The following NRG3 variants were observed in gnomAD, a reference collection of about 807,000 sequenced individuals.
NRG3 encodes the protein pro-neuregulin-3, membrane-bound isoform.
Under a neutral mutation model 66.9 loss-of-function variants are expected in NRG3, and 31 were observed. That is an observed-to-expected ratio of 0.46 (90% CI 0.35 to 0.63). The LOEUF (loss-of-function observed/expected upper bound fraction) is 0.63. NRG3 is among the 20% of genes least tolerant of loss of function. NRG3 has a pLI of 0.00. For missense variants in NRG3, 910 were observed against 878.9 expected, an observed-to-expected ratio of 1.04 and a Z score of -0.45; for synonymous variants, 393 against 359.4, an observed-to-expected ratio of 1.09 and a Z score of -1.06.
chr10:82,968,736 T>A (rs1299816281), intron 6 of NRG3, among the ~76,000 whole-genome samples: 1 of 152,168 alleles, frequency 6.6e-6, no homozygotes, highest in Admixed American at 6.5e-5. Context: ...CTAAAAGATC[T>A]GCATGCTCCA....
At chr10:82,025,620 TC>T (rs2062265299) in intron 1 of NRG3, among the ~76,000 whole-genome samples, 3 of 152,134 alleles carry the variant, frequency 2.0e-5, no homozygotes, top group Admixed American at 1.3e-4. Context: ...GACTGCCTGT[TC>T]CCTGCAACCT....
intron 3 of NRG3, among the ~76,000 whole-genome samples, chr10:82,809,547 T>C (rs894255016): frequency 6.6e-6 from 1 of 152,122 alleles, no homozygotes; most frequent in African/African-American, 2.4e-5. Context: ...ATATTATATC[T>C]TATCATACAG....
intron 2 of NRG3, among the ~76,000 whole-genome samples, chr10:82,549,343 G>C (rs572476218): frequency 1.3e-5 from 2 of 152,092 alleles, no homozygotes; most frequent in Admixed American, 6.5e-5. Context: ...TTAAATTCTT[G>C]TTGCCCATAC....
At chr10:82,802,007 G>A (rs10749121) in intron 3 of NRG3, among the ~76,000 whole-genome samples, 55,626 of 151,480 alleles carry the variant, frequency 0.37, 11,767 homozygotes, top group African/African-American at 0.6. Context: ...TACCAAAAAA[G>A]TAGGAAAATT....
At position 82,505,105 on chromosome 10, in the gene NRG3, C is replaced by T. The variant is rs916659124; in HGVS notation, c.953+146237C>T. ...AATATTGCACAGATAATTTTGGAATCGAAAGTGGAACCAATTATTTAAAGT... is the reference window on the plus strand; with the variant it reads ...AATATTGCACAGATAATTTTGGAATTGAAAGTGGAACCAATTATTTAAAGT... On this transcript the variant is annotated intron_variant, in intron 2 of 8. Transcript: ENST00000372141. Among the ~76,000 whole-genome samples, 24 of 152,206 alleles carry T rather than the reference C, an allele frequency of 1.6e-4. No individual in the cohort carries two copies. In the East Asian group the frequency reaches 4.3e-3, roughly 27 times the overall value.
At position 81,875,275 on chromosome 10, in the gene NRG3, G is replaced by T; in HGVS notation, c.-66G>T. 1.0e-6 allele frequency: 1 copy of T among 966,804 alleles called. No homozygotes were observed. The highest frequency in any genetic ancestry group is 1.2e-6 in the Non-Finnish European group (1 of 817,164). The allele number at this position is 966,804 out of a possible 1,614,324, so 59.9% of individuals were successfully genotyped here. A position where few individuals can be genotyped will look rare whatever the true frequency, so the allele number is the denominator to read the frequency against. ...GGAGCCCGCGCCCGCGCCCGCGCCCGGCCCGCGCGGCCCCATGCCTCTGCC... is the reference window on the plus strand; with the variant it reads ...GGAGCCCGCGCCCGCGCCCGCGCCCTGCCCGCGCGGCCCCATGCCTCTGCC... On this transcript the variant is annotated 5_prime_UTR_variant, in exon 1 of 9. Coordinates refer to ENST00000372141, the MANE Select transcript of NRG3 (RefSeq NM_001010848.4). This position sits in a 1 kb window ranked among gnomAD's most constrained non-coding sequence, Gnocchi z 5.3.
intron 2 of NRG3, among the ~76,000 whole-genome samples, chr10:82,434,555 C>T (rs1312275093): frequency 2.0e-5 from 3 of 152,128 alleles, no homozygotes; most frequent in African/African-American, 7.2e-5. Flanking sequence ...CCAGCTTTTG[C>T]TCATTCAATA....
intron 1 of NRG3, among the ~76,000 whole-genome samples, chr10:82,115,767 T>A (rs1477126932): frequency 6.6e-6 from 1 of 152,136 alleles, no homozygotes; most frequent in Non-Finnish European, 1.5e-5. Context: ...TTCTGACATT[T>A]CTTGATGTTC....
At chr10:82,578,764 G>GA (rs1472063536) in intron 2 of NRG3, among the ~76,000 whole-genome samples, 2 of 151,780 alleles carry the variant, frequency 1.3e-5, no homozygotes, top group Non-Finnish European at 2.9e-5. Context: ...GCTTAACTTA[G>GA]AAAATCCCTG....
At chr10:82,876,666 G>A (rs187555075) in intron 4 of NRG3, among the ~76,000 whole-genome samples, 1 of 152,196 alleles carries the variant, frequency 6.6e-6, no homozygotes, top group Admixed American at 6.5e-5. Context: ...CTGAAAATCT[G>A]GGATGTGCTA....
chr10:82,560,439 T>C (rs1383722898), intron 2 of NRG3, among the ~76,000 whole-genome samples: 3 of 151,138 alleles, frequency 2.0e-5, no homozygotes, highest in African/African-American at 7.2e-5. Flanking sequence ...TATGATAGTA[T>C]TATCACTTCT....
intron 1 of NRG3, among the ~76,000 whole-genome samples, chr10:82,327,596 A>G (rs1383694651): frequency 6.6e-6 from 1 of 152,184 alleles, no homozygotes; most frequent in African/African-American, 2.4e-5. Context: ...CCCCATCTCA[A>G]AAAAATGATA....
At chr10:82,283,091 C>T (rs2079214579) in intron 1 of NRG3, among the ~76,000 whole-genome samples, 1 of 151,982 alleles carries the variant, frequency 6.6e-6, no homozygotes, top group Non-Finnish European at 1.5e-5. Flanking sequence ...CTCCTGTCTT[C>T]TCGGTCTTAA....
chr10:82,447,416 C>T (rs2090788363), intron 2 of NRG3, among the ~76,000 whole-genome samples: 1 of 151,682 alleles, frequency 6.6e-6, no homozygotes, highest in South Asian at 2.1e-4. Flanking sequence ...AGGCCCCATC[C>T]CTAAAAAAAT....
intron 4 of NRG3, among the ~76,000 whole-genome samples, chr10:82,920,341 T>G (rs1376967709): frequency 2.0e-5 from 3 of 152,008 alleles, no homozygotes; most frequent in African/African-American, 7.2e-5. Flanking sequence ...AAGTGAGAGT[T>G]TAGAGATGAG....
chr10:82,950,607 A>G (rs894573729), intron 4 of NRG3, among the ~76,000 whole-genome samples: 5 of 152,230 alleles, frequency 3.3e-5, no homozygotes, highest in African/African-American at 1.2e-4. Context: ...AAAAGGGATA[A>G]AGTAAATAGA....
At chr10:81,936,477 A>G (rs776802460) in intron 1 of NRG3, among the ~76,000 whole-genome samples, 7 of 152,102 alleles carry the variant, frequency 4.6e-5, no homozygotes, top group Non-Finnish European at 1.0e-4. Context: ...TAACTGTGAA[A>G]GATGGATGGG....
At chr10:82,606,419 G>A (rs1362861736) in intron 2 of NRG3, among the ~76,000 whole-genome samples, 1 of 152,098 alleles carries the variant, frequency 6.6e-6, no homozygotes, top group Non-Finnish European at 1.5e-5. Context: ...GTGTTAAGGT[G>A]TGTTTTATGA....
intron 2 of NRG3, among the ~76,000 whole-genome samples, chr10:82,724,736 A>G (rs2057497987): frequency 6.6e-6 from 1 of 152,146 alleles, no homozygotes; most frequent in South Asian, 2.1e-4. Flanking sequence ...CCTTTTTTAG[A>G]GAGACAATAA....
Sources: gnomAD v4.1 joint callset for allele counts (sites outside exome capture counted in the v4.1 genomes callset) on GRCh38, gnomAD v4.1.1 for gene constraint, Gnocchi (gnomAD v3.1) non-coding constraint, MANE v1.5 for transcripts, NCBI Gene and HGNC (gene_info 2026-07-23, HGNC 2026-07-21) for gene names.